Variants in FOXL3 observed in about 807,000 individuals in gnomAD.
The protein encoded by FOXL3 is forkhead box L3, also known as forkhead box protein L3.
Under a neutral mutation model 10.9 loss-of-function variants are expected in FOXL3, and 16 were observed. The ratio of observed to expected loss-of-function variants is 1.46; its 90% confidence interval spans 0.99 to 2.22. FOXL3 has a LOEUF of 2.22. Among genes scored for constraint, FOXL3 ranks in the 30% most tolerant of loss-of-function variants. The pLI, the probability that FOXL3 is intolerant of heterozygous loss-of-function variation, is 0.00. For synonymous variants in FOXL3, 170 were observed against 152.0 expected (o/e 1.12, Z -0.87); for missense variants, 400 against 337.9 (o/e 1.18, Z -1.44).
chr7:290,284 C>A lies in FOXL3; in HGVS notation c.107+8C>A, dbSNP rs556917461. On this transcript the variant is annotated splice_region_variant and intron_variant, in intron 1 of 2. Coordinates refer to ENST00000506382, the MANE Select transcript of FOXL3 (RefSeq NM_001374838.1). Reference sequence around the variant, plus strand: ...CACGCGGCCCGCGTACAGGTGACTGCGGGGGCGGTGCTGGGGCTTTGGGGG... The same window carrying A: ...CACGCGGCCCGCGTACAGGTGACTGAGGGGGCGGTGCTGGGGCTTTGGGGG... 1.9e-4 allele frequency: 287 copies of A among 1,532,922 alleles called. No homozygotes were observed. In the African/African-American group the frequency reaches 3.1e-3, roughly 16 times the overall value. The allele number at this position is 1,532,922 out of a possible 1,614,324, so 95.0% of individuals were successfully genotyped here.
chr7:291,292 G>C lies in FOXL3; in HGVS notation c.506G>C (p.Gly169Ala). 1 of 1,236,910 alleles carries C rather than the reference G, an allele frequency of 8.1e-7. No homozygotes were observed. Among genetic ancestry groups the C allele is most frequent in the East Asian group, 3.2e-5 (1 of 31,086 alleles). The allele number at this position is 1,236,910 out of a possible 1,614,324, so 76.6% of individuals were successfully genotyped here. Residue 169 changes from glycine (G) to alanine (A), a missense_variant, in exon 3 of 3, where the codon GGC (glycine) becomes GCC (alanine). Physicochemically the swap from Gly to Ala is moderately conservative, Grantham distance 60. Transcript: ENST00000506382. ...GGGCGCCTGGCCCCGGACAGCGCTG[G>C]CGAGGGCGCCCCGGGCCGTGAGCCC... ...AQGRLAPDSA[G>A]EGAPGREPPA...
At position 290,204 on chromosome 7, in the gene FOXL3, T is replaced by G. The variant is rs2115223917; in HGVS notation, c.35T>G (p.Phe12Cys). The part of the protein sequence containing the change: ...FDSSQYPYNC[F>C]NYDADDYPAG... ...AGCTCGCAGTATCCCTACAACTGCTTCAATTACGACGCCGACGACTACCCC... is the reference window on the plus strand; with the variant it reads ...AGCTCGCAGTATCCCTACAACTGCTGCAATTACGACGCCGACGACTACCCC... The change falls in exon 1 of 3, where the codon TTC (phenylalanine) becomes TGC (cysteine). Residue 12 changes from phenylalanine (F) to cysteine (C), a missense_variant. Coordinates refer to ENST00000506382, the MANE Select transcript of FOXL3 (RefSeq NM_001374838.1). The G allele has an allele frequency of 6.5e-7, 1 of 1,535,894 alleles. No homozygotes were observed. Among genetic ancestry groups the G allele is most frequent in the African/African-American group, 1.4e-5 (1 of 73,148 alleles).
chr7:290,407 G>T lies in FOXL3; in HGVS notation c.107+131G>T, dbSNP rs562370918. On this transcript the variant is annotated intron_variant, in intron 1 of 2. Coordinates refer to ENST00000506382, the MANE Select transcript of FOXL3 (RefSeq NM_001374838.1). ...CTTCTCTCCGGCGGCGGAGCTCAGA[G>T]AAAGGACGCATTTGTCCCTACTTTG... The T allele has an allele frequency of 3.4e-6, 3 of 871,638 alleles. No homozygotes were observed. The East Asian group carries it at 8.0e-5, about 23-fold the overall frequency. The allele number at this position is 871,638 out of a possible 1,614,324, so 54.0% of individuals were successfully genotyped here.
rs145955450 is a variant in FOXL3 at position 290,868 on chromosome 7, C to T, written c.276+47C>T. ...CCCCGGGTGTCCCAGCGTGGCGACA[C>T]CTGCGCCAGGGCCTCGGTGGCGGGG... On this transcript the variant is annotated intron_variant, in intron 2 of 2. Coordinates refer to ENST00000506382, the MANE Select transcript of FOXL3 (RefSeq NM_001374838.1). 6,257 of 1,344,808 alleles carry T rather than the reference C, an allele frequency of 4.7e-3. 237 individuals carry two copies. In the African/African-American group the frequency reaches 0.084, roughly 18 times the overall value. The allele number at this position is 1,344,808 out of a possible 1,614,324, so 83.3% of individuals were successfully genotyped here.
In FOXL3 at chr7:291,067, C is replaced by A; in HGVS notation, c.281C>A (p.Pro94Gln). ...LSLNSCFVKV[P>Q]RSEGHEKGKG... ...CCCCTCCCTCCGCGCGCGCAGGTGC[C>A]GCGGTCCGAGGGCCACGAGAAGGGC... Residue 94 changes from proline (P) to glutamine (Q), a missense_variant, in exon 3 of 3, where the codon CCG becomes CAG. Transcript: ENST00000506382. 6 of 1,404,692 alleles carry A rather than the reference C, an allele frequency of 4.3e-6. No individual in the cohort carries two copies. Among genetic ancestry groups the A allele is most frequent in the South Asian group, 1.4e-5 (1 of 69,624 alleles). The allele number at this position is 1,404,692 out of a possible 1,614,324, so 87.0% of individuals were successfully genotyped here. A position where few individuals can be genotyped will look rare whatever the true frequency, so the allele number is the denominator to read the frequency against.
At chr7:290,521 C>T (rs909031775) in intron 1 of FOXL3, 132 bp from the exon 2 acceptor site, 5 of 996,482 alleles carry the variant, frequency 5.0e-6, no homozygotes, top group Non-Finnish European at 7.1e-6. Context: ...CGCCGGGGAC[C>T]GCGAGCTGCG....
At chr7:290,549 A>G (rs1242935047) in intron 1 of FOXL3, 104 bp from the exon 2 acceptor site, 3 of 1,173,632 alleles carry the variant, frequency 2.6e-6, no homozygotes, top group Non-Finnish European at 3.5e-6. Context: ...TTTCCCCAAC[A>G]CCGCCTCGCT....
chr7:290,227 C>T lies in FOXL3; in HGVS notation c.58C>T (p.Pro20Ser), dbSNP rs920693899. The change falls in exon 1 of 3, where the codon CCC becomes TCC. Residue 20 changes from proline (P) to serine (S), a missense_variant. Transcript: ENST00000506382. ...NCFNYDADDYPAGSSDEDKRL... is the reference protein window; with the variant it reads ...NCFNYDADDYSAGSSDEDKRL... ...CTTCAATTACGACGCCGACGACTAC[C>T]CCGCCGGCAGCTCCGACGAAGACAA... is the stretch of plus-strand genomic sequence containing the variant. 1.3e-6 allele frequency: 2 copies of T among 1,536,000 alleles called. No individual in the cohort carries two copies. The highest frequency in any genetic ancestry group is 2.0e-5 in the Admixed American group (1 of 51,010).
chr7:291,437 G>A lies in FOXL3; in HGVS notation c.651G>A (p.Glu217=). The change falls in exon 3 of 3, where the codon GAG becomes GAA. Residue 217 remains glutamate, a synonymous_variant. Transcript: ENST00000506382. The part of the protein sequence containing the change: ...PGLKPPCLAQ[E]GRYPRLENVG... ...TCAAGCCGCCCTGCCTCGCACAAGA[G>A]GGCAGATACCCGCGGCTGGAGAACG... 1 of 1,243,754 alleles carries A rather than the reference G, an allele frequency of 8.0e-7. No individual in the cohort carries two copies. The highest frequency in any genetic ancestry group is 1.0e-6 in the Non-Finnish European group (1 of 993,294). The allele number at this position is 1,243,754 out of a possible 1,614,324, so 77.0% of individuals were successfully genotyped here.
chr7:290,352 C>T, intron 1 of FOXL3, 76 bp downstream of exon 1: 2 of 1,178,090 alleles, frequency 1.7e-6, no homozygotes, highest in Non-Finnish European at 2.4e-6. Flanking sequence ...CCGGGACCTG[C>T]CTGGGACGAA....
intron 1 of FOXL3, 55 bp from the exon 2 acceptor site, chr7:290,598 G>T: frequency 7.1e-7 from 1 of 1,405,352 alleles, no homozygotes; most frequent in South Asian, 1.6e-5. Flanking sequence ...GCGGGATGGG[G>T]GGAAGGACGG....
At chr7:290,631 G>A (rs1465304945) in intron 1 of FOXL3, 22 bp from the exon 2 acceptor site, 2 of 1,411,978 alleles carry the variant, frequency 1.4e-6, no homozygotes, top group South Asian at 1.7e-5. Context: ...TGGAGACCCC[G>A]CCTGACCCCC....
intron 1 of FOXL3, 139 bp downstream of exon 1, chr7:290,415 G>A: frequency 2.4e-6 from 2 of 840,252 alleles, no homozygotes; most frequent in South Asian, 1.6e-5. Flanking sequence ...GAGAAAGGAC[G>A]CATTTGTCCC....
rs748896262 is a variant in FOXL3 at position 291,113 on chromosome 7, C to T, written c.327C>T (p.Phe109=). The change falls in exon 3 of 3, where the codon TTC becomes TTT. Residue 109 remains phenylalanine (F), a synonymous_variant. Transcript: ENST00000506382. ...HEKGKGNYWT[F]AGGCESLLDL... is the part of the protein sequence containing the mutation. The stretch of plus-strand genomic sequence containing the variant: ...AGGGCAAAGGCAACTACTGGACGTT[C>T]GCGGGCGGCTGCGAGTCGCTGCTGG... 4.2e-6 allele frequency: 6 copies of T among 1,415,778 alleles called. No homozygotes were observed. The South Asian group carries it at 8.3e-5, about 20-fold the overall frequency. 87.7% of individuals were successfully genotyped at this position (1,415,778 alleles called of 1,614,324 possible).
Position 290,662 on chromosome 7 carries a change from C to T in FOXL3, c.117C>T (p.Ala39=), listed in dbSNP as rs949917990. 1.4e-5 allele frequency: 20 copies of T among 1,420,736 alleles called. No individual in the cohort carries two copies. In the Admixed American group the frequency reaches 4.8e-4, roughly 34 times the overall value. 88.0% of individuals were successfully genotyped at this position (1,420,736 alleles called of 1,614,324 possible). ...CCCCCGGGCTCCGCAGCTACATCGC[C>T]TTGATCGCCATGGCCATTCAGCAGA... ...RLTRPAYSYI[A]LIAMAIQQSP... is the part of the protein sequence containing the mutation. Residue 39 remains alanine (A), a synonymous_variant, in exon 2 of 3, where the codon GCC becomes GCT. Coordinates refer to ENST00000506382, the MANE Select transcript of FOXL3 (RefSeq NM_001374838.1).
rs1778639062 is a variant in FOXL3, at chr7:291,166, G to T, written c.380G>T (p.Arg127Leu). The T allele has an allele frequency of 5.5e-6, 7 of 1,280,178 alleles. No homozygotes were observed. The South Asian group carries it at 1.3e-4, about 24-fold the overall frequency. The allele number at this position is 1,280,178 out of a possible 1,614,324, so 79.3% of individuals were successfully genotyped here. Residue 127 changes from arginine (R) to leucine (L), a missense_variant, in exon 3 of 3, where the codon CGG (arginine) becomes CTG (leucine). Coordinates refer to ENST00000506382, the MANE Select transcript of FOXL3 (RefSeq NM_001374838.1). ...CTCTTCGAGAACGGCAACTACCGGC[G>T]GCGGCGGCGGCGGCGCGGCCCCAAG... The part of the protein sequence containing the change: ...LDLFENGNYR[R>L]RRRRRGPKRE...
rs1583366397 is a variant in FOXL3, at chr7:291,028, G to C, written c.277-35G>C. 7.4e-6 allele frequency: 10 copies of C among 1,353,436 alleles called. No homozygotes were observed. The East Asian group carries it at 2.8e-4, about 39-fold the overall frequency. The allele number at this position is 1,353,436 out of a possible 1,614,324, so 83.8% of individuals were successfully genotyped here. On this transcript the variant is annotated intron_variant, in intron 2 of 2. Coordinates refer to ENST00000506382, the MANE Select transcript of FOXL3 (RefSeq NM_001374838.1). Reference sequence around the variant, plus strand: ...AAGGCGGGCGGGCGCACCGTGCAGCGGAGCCGCTCCCAGCCCCTCCCTCCG... The same window carrying C: ...AAGGCGGGCGGGCGCACCGTGCAGCCGAGCCGCTCCCAGCCCCTCCCTCCG...
chr7:291,476 T>G lies in FOXL3; in HGVS notation c.690T>G (p.Phe230Leu). 1 of 1,234,982 alleles carries G rather than the reference T, an allele frequency of 8.1e-7. No individual in the cohort carries two copies. Among genetic ancestry groups the G allele is most frequent in the Non-Finnish European group, 1.0e-6 (1 of 988,150 alleles). 76.5% of individuals were successfully genotyped at this position (1,234,982 alleles called of 1,614,324 possible). The change falls in exon 3 of 3, where the codon TTT becomes TTG. Residue 230 changes from phenylalanine to leucine, a missense_variant. Physicochemically the swap from Phe to Leu is conservative, Grantham distance 22 (BLOSUM62 0). Transcript: ENST00000506382. ...GGCTGGAGAACGTGGGACTCCACTT[T>G]TGGACAATGTGATGTGGAGCCACCC... ...YPRLENVGLHFWTM is the reference protein window; with the variant it reads ...YPRLENVGLHLWTM
rs369600953 is a variant in FOXL3, at chr7:291,262, C to T, written c.476C>T (p.Ala159Val). The T allele has an allele frequency of 2.5e-6, 3 of 1,191,614 alleles. No individual in the cohort carries two copies. The highest frequency in any genetic ancestry group is 8.3e-5 in the South Asian group (2 of 24,160). The allele number at this position is 1,191,614 out of a possible 1,614,324, so 73.8% of individuals were successfully genotyped here. A position where few individuals can be genotyped will look rare whatever the true frequency, so the allele number is the denominator to read the frequency against. ...TCGGGTCCGTCCGAGCCGCCCGCCG[C>T]TCAGGGGCGCCTGGCCCCGGACAGC... The part of the protein sequence containing the change: ...GPSGPSEPPA[A>V]QGRLAPDSAG... The change falls in exon 3 of 3, where the codon GCT becomes GTT. Residue 159 changes from alanine to valine, a missense_variant. Coordinates refer to ENST00000506382, the MANE Select transcript of FOXL3 (RefSeq NM_001374838.1).
Sources: gnomAD v4.1 joint callset for allele counts on GRCh38, gnomAD v4.1.1 for gene constraint, MANE v1.5 for transcripts, NCBI Gene and HGNC (gene_info 2026-07-23, HGNC 2026-07-21) for gene names.